MSI2: variants seen among roughly 807,000 people sequenced by gnomAD.
The protein encoded by MSI2 is musashi RNA binding protein 2, also known as RNA-binding protein Musashi homolog 2.
A neutral mutation model predicts 45.6 loss-of-function variants in MSI2; 17 were observed. The ratio of observed to expected loss-of-function variants is 0.37; its 90% confidence interval spans 0.26 to 0.56. The LOEUF is 0.56. MSI2 is among the 20% of genes least tolerant of loss of function. The probability of loss-of-function intolerance (pLI) is 0.77; values close to 1 mark genes in which losing one functional copy is unlikely to be tolerated. For missense variants in MSI2, 293 were observed against 444.2 expected (o/e 0.66, Z 3.06); for synonymous variants, 156 against 158.2 (o/e 0.99, Z 0.11).
At chr17:57,345,862 A>G (rs976538080) in intron 5 of MSI2, among the ~76,000 whole-genome samples, 4 of 151,846 alleles carry the variant, frequency 2.6e-5, no homozygotes, top group South Asian at 2.1e-4. Flanking sequence ...CTTTATTCCA[A>G]TTTCCCTAGT....
intron 10 of MSI2, among the ~76,000 whole-genome samples, chr17:57,635,092 T>G (rs1388554253): frequency 6.6e-6 from 1 of 152,232 alleles, no homozygotes; most frequent in African/African-American, 2.4e-5. Context: ...TAGTAGACAC[T>G]TAGCAATTTC....
At chr17:57,285,808 C>T in intron 5 of MSI2, 1 of 1,378,852 alleles carries the variant, frequency 7.3e-7, no homozygotes, top group Non-Finnish European at 9.4e-7. Flanking sequence ...TTCTTTTCTC[C>T]TTGCCCGTCA....
chr17:57,686,606 C>T (rs147689558), downstream of MSI2, among the ~76,000 whole-genome samples: 6 of 151,920 alleles, frequency 3.9e-5, no homozygotes, highest in African/African-American at 1.5e-4. Flanking sequence ...AGGGCAAGAA[C>T]TGAAATGTCA....
At position 57,554,358 on chromosome 17, in the gene MSI2, A is replaced by G. The variant is rs778412609; in HGVS notation, c.454+24634A>G. On this transcript the variant is annotated intron_variant, in intron 7 of 13. Coordinates refer to ENST00000284073, the MANE Select transcript of MSI2 (RefSeq NM_138962.4). ...AGAGAGCCTTGTTACTTGCAAAGTCACCCTCCATCAAGTAGAAGGAACAGC... is the reference window on the plus strand; with the variant it reads ...AGAGAGCCTTGTTACTTGCAAAGTCGCCCTCCATCAAGTAGAAGGAACAGC... 3.9e-5 allele frequency among the ~76,000 whole-genome samples: 6 copies of G among 152,000 alleles called. No individual in the cohort carries two copies. In the South Asian group the frequency reaches 1.2e-3, roughly 32 times the overall value.
At chr17:57,453,686 C>T (rs771868267) in intron 6 of MSI2, among the ~76,000 whole-genome samples, 1 of 152,182 alleles carries the variant, frequency 6.6e-6, no homozygotes, top group Non-Finnish European at 1.5e-5. Flanking sequence ...GTTCCATTAT[C>T]GGAACGCCAA....
At chr17:57,464,085 T>C (rs931172569) in intron 6 of MSI2, among the ~76,000 whole-genome samples, 3 of 151,394 alleles carry the variant, frequency 2.0e-5, no homozygotes, top group African/African-American at 7.3e-5. Flanking sequence ...GTCTCCTTGG[T>C]TGATATTTTG....
At position 57,544,675 on chromosome 17, in the gene MSI2, T is replaced by G. The variant is rs149282235; in HGVS notation, c.454+14951T>G. On this transcript the variant is annotated intron_variant, in intron 7 of 13. Transcript: ENST00000284073. ...ATGAAAACCCCCAGTTAAGTGTGTG[T>G]AATGGTTTGACAATATATATGCCTT... Among the ~76,000 whole-genome samples the G allele has an allele frequency of 4.8e-3, 728 of 152,324 alleles. 3 individuals carry two copies. Among genetic ancestry groups the G allele is most frequent in the African/African-American group, 0.016 (648 of 41,562 alleles).
chr17:57,555,811 C>T (rs139934017), intron 7 of MSI2, among the ~76,000 whole-genome samples: 1 of 152,170 alleles, frequency 6.6e-6, no homozygotes, highest in African/African-American at 2.4e-5. Flanking sequence ...TGCAGCCCCT[C>T]GAGGCCAAGT....
At chr17:57,345,551 C>A (rs1421852719) in intron 5 of MSI2, among the ~76,000 whole-genome samples, 19 of 152,070 alleles carry the variant, frequency 1.2e-4, no homozygotes, top group African/African-American at 4.3e-4. Flanking sequence ...TAAAGTCCAG[C>A]TGGATGTGGT....
At chr17:57,609,569 T>A (rs1295448878) in intron 8 of MSI2, among the ~76,000 whole-genome samples, 1 of 152,248 alleles carries the variant, frequency 6.6e-6, no homozygotes, top group Non-Finnish European at 1.5e-5. Flanking sequence ...GGCTTGGATT[T>A]CCCTCTGGGC....
chr17:57,547,464 G>T (rs1328237138), intron 7 of MSI2, among the ~76,000 whole-genome samples: 1 of 152,126 alleles, frequency 6.6e-6, no homozygotes, highest in East Asian at 1.9e-4. Flanking sequence ...TTGTACAGTG[G>T]AGGTGGGGAG....
intron 6 of MSI2, among the ~76,000 whole-genome samples, chr17:57,528,310 C>T (rs781436060): frequency 1.3e-5 from 2 of 152,038 alleles, no homozygotes; most frequent in Non-Finnish European, 2.9e-5. Flanking sequence ...CATTCCAGAG[C>T]GGAATCTGGT....
intron 6 of MSI2, among the ~76,000 whole-genome samples, chr17:57,457,901 C>T (rs1350307878): frequency 6.6e-6 from 1 of 151,764 alleles, no homozygotes; most frequent in African/African-American, 2.4e-5. Context: ...AACGTGAGAC[C>T]TCGTCTTTAA....
chr17:57,585,827 G>A (rs1430838478), intron 7 of MSI2, among the ~76,000 whole-genome samples: 1 of 152,198 alleles, frequency 6.6e-6, no homozygotes, highest in Non-Finnish European at 1.5e-5. Context: ...AAGCCGCCCC[G>A]GGCTCTGTGG....
intron 11 of MSI2, among the ~76,000 whole-genome samples, chr17:57,667,722 A>G (rs1178508335): frequency 1.3e-5 from 2 of 152,226 alleles, no homozygotes; most frequent in African/African-American, 4.8e-5. Context: ...TTCTCTGGCC[A>G]CAAGGCCACA....
Position 57,262,197 on chromosome 17 carries a change from G to A in MSI2, c.312+5G>A, listed in dbSNP as rs1369928929. 1.2e-6 allele frequency: 2 copies of A among 1,613,992 alleles called. No individual in the cohort carries two copies. The highest frequency in any genetic ancestry group is 3.3e-5 in the Admixed American group (2 of 60,004). ...CCTCGTCGAGCGCAACCCAAGGTAA[G>A]TAGGAGAATAAACAGTAGGATTTTA... On this transcript the variant is annotated splice_donor_5th_base_variant and intron_variant, in intron 5 of 13. Transcript: ENST00000284073.
chr17:57,282,668 C>G (rs1909523379), intron 5 of MSI2, among the ~76,000 whole-genome samples: 1 of 152,050 alleles, frequency 6.6e-6, no homozygotes, highest in South Asian at 2.1e-4. Context: ...AATATTTTAG[C>G]TTGTCTTCTG....
chr17:57,454,474 G>A (rs998179956), intron 6 of MSI2, among the ~76,000 whole-genome samples: 1 of 122,208 alleles, frequency 8.2e-6, no homozygotes, highest in South Asian at 2.5e-4. Flanking sequence ...TTCTCGCTCT[G>A]TCTCCAAGCT....
chr17:57,326,349 G>T (rs1394778499), intron 5 of MSI2, among the ~76,000 whole-genome samples: 3 of 152,122 alleles, frequency 2.0e-5, no homozygotes, highest in Non-Finnish European at 2.9e-5. Context: ...TCCAAGCCCT[G>T]GGGGAGAGGA....
Sources: allele counts gnomAD v4.1 joint callset (sites outside exome capture counted in the v4.1 genomes callset), GRCh38; gene constraint gnomAD v4.1.1; transcripts MANE v1.5; gene names NCBI Gene and HGNC (gene_info 2026-07-23, HGNC 2026-07-21).